The following BMP7 variants were observed in gnomAD, a reference collection of about 807,000 sequenced individuals.
BMP7 encodes the protein bone morphogenetic protein 7.
In BMP7, 12 loss-of-function variants were observed where a neutral mutation model predicts 41.2. The ratio of observed to expected loss-of-function variants is 0.29; its 90% confidence interval spans 0.19 to 0.47. BMP7 has a LOEUF of 0.47. Ranked by LOEUF, BMP7 falls within the 20% of genes least tolerant of loss-of-function variation. The pLI is 0.99. For synonymous variants in BMP7, 248 were observed against 250.0 expected (o/e 0.99, Z 0.07); for missense variants, 467 against 606.0 (o/e 0.77, Z 2.41).
At chr20:57,194,439 C>T (rs921595559) in intron 3 of BMP7, among the ~76,000 whole-genome samples, 36 of 152,222 alleles carry the variant, frequency 2.4e-4, no homozygotes, top group Middle Eastern at 3.4e-3. Context: ...CAAAAACGAA[C>T]GCCTGACGCT....
chr20:57,254,606 C>A lies in BMP7; in HGVS notation c.418+11099G>T, dbSNP rs1423652137. On this transcript the variant is annotated intron_variant, in intron 1 of 6. Transcript: ENST00000395863. ...ATCCTAAACATCCTTCTGCTACTTG[C>A]TTTCTCCTTCTGACATTGTTTCCAG... Among the ~76,000 whole-genome samples the A allele has an allele frequency of 2.0e-5, 3 of 151,554 alleles. No individual in the cohort carries two copies. In the South Asian group the frequency reaches 6.3e-4, roughly 32 times the overall value.
chr20:57,182,188 T>C (rs1342085984), intron 4 of BMP7, among the ~76,000 whole-genome samples: 1 of 152,194 alleles, frequency 6.6e-6, no homozygotes, highest in Non-Finnish European at 1.5e-5. Context: ...GGAGTCCCGA[T>C]GCATCTTCTG....
At chr20:57,252,003 T>C (rs1370759191) in intron 1 of BMP7, among the ~76,000 whole-genome samples, 2 of 152,118 alleles carry the variant, frequency 1.3e-5, no homozygotes, top group African/African-American at 4.8e-5. Context: ...GTAGGGGACA[T>C]AGCGTGTGGA....
chr20:57,176,583 C>T (rs1983926871), intron 4 of BMP7, among the ~76,000 whole-genome samples: 1 of 152,144 alleles, frequency 6.6e-6, no homozygotes, highest in Admixed American at 6.5e-5. Context: ...TGCTCTAGCT[C>T]TGGAGTCAAA....
intron 2 of BMP7, among the ~76,000 whole-genome samples, chr20:57,203,766 GAAC>G (rs1254012909): frequency 1.3e-5 from 2 of 152,200 alleles, no homozygotes; most frequent in African/African-American, 4.8e-5. Flanking sequence ...GCATAATGAT[GAAC>G]AACATGACAC....
At chr20:57,256,940 T>G (rs1401969320) in intron 1 of BMP7, among the ~76,000 whole-genome samples, 1 of 152,096 alleles carries the variant, frequency 6.6e-6, no homozygotes, top group Non-Finnish European at 1.5e-5. Flanking sequence ...TTAGGATCAT[T>G]TGTACTTCAT....
In BMP7 at chr20:57,173,318, G is replaced by C; in HGVS notation, c.1036-8C>G. The C allele has an allele frequency of 6.2e-7, 1 of 1,612,704 alleles. No homozygotes were observed. Among genetic ancestry groups the C allele is most frequent in the Non-Finnish European group, 8.5e-7 (1 of 1,178,784 alleles). On this transcript the variant is annotated splice_region_variant and splice_polypyrimidine_tract_variant and intron_variant, in intron 5 of 6. Coordinates refer to ENST00000395863, the MANE Select transcript of BMP7 (RefSeq NM_001719.3). ...AGGCGCGATGATCCAGTCCTGAGGA[G>C]GAGAAGAGAGTGTGGGAAACCATGC... is the stretch of plus-strand genomic sequence containing the variant.
intron 2 of BMP7, among the ~76,000 whole-genome samples, chr20:57,203,391 G>A (rs558282292): frequency 6.6e-6 from 1 of 152,264 alleles, no homozygotes; most frequent in African/African-American, 2.4e-5. Context: ...GTAGGTGAGT[G>A]AATGGATGGG....
Position 57,170,570 on chromosome 20 carries a change from T to G in BMP7, c.*389A>C. 3.1e-6 allele frequency: 1 copy of G among 319,228 alleles called. No individual in the cohort carries two copies. The highest frequency in any genetic ancestry group is 6.1e-6 in the Non-Finnish European group (1 of 163,966). The allele number at this position is 319,228 out of a possible 1,614,324, so 19.8% of individuals were successfully genotyped here. ...AATTTTCCTTTCGCACAGACACCAA[T>G]GTGCCCACCCCTTGCCACGCCCCCT... On this transcript the variant is annotated 3_prime_UTR_variant, in exon 7 of 7. Coordinates refer to ENST00000395863, the MANE Select transcript of BMP7 (RefSeq NM_001719.3).
At chr20:57,252,577 A>C (rs772256371) in intron 1 of BMP7, among the ~76,000 whole-genome samples, 15 of 152,236 alleles carry the variant, frequency 9.9e-5, no homozygotes, top group Non-Finnish European at 1.8e-4. Context: ...AGGTGCAGTC[A>C]AGTATTTTGG....
chr20:57,261,673 G>A lies in BMP7; in HGVS notation c.418+4032C>T, dbSNP rs2066154870. ...CTGTGTGACATCTATATTAACCTTTGGCTGCTCACCAGTGAGGGCCGGCGC... is the reference window on the plus strand; with the variant it reads ...CTGTGTGACATCTATATTAACCTTTAGCTGCTCACCAGTGAGGGCCGGCGC... On this transcript the variant is annotated intron_variant, in intron 1 of 6. Transcript: ENST00000395863. This position sits in a 1 kb window ranked among gnomAD's most constrained non-coding sequence, Gnocchi z 4.1. Among the ~76,000 whole-genome samples, 1 of 152,176 alleles carries A rather than the reference G, an allele frequency of 6.6e-6. No individual in the cohort carries two copies. The highest frequency in any genetic ancestry group is 1.5e-5 in the Non-Finnish European group (1 of 68,034).
chr20:57,220,983 T>C (rs1394837497), intron 2 of BMP7, among the ~76,000 whole-genome samples: 1 of 152,174 alleles, frequency 6.6e-6, no homozygotes, highest in Non-Finnish European at 1.5e-5. Flanking sequence ...ATGTGGTCTG[T>C]GAATTCAGAG....
At chr20:57,203,675 A>G (rs1984672955) in intron 2 of BMP7, among the ~76,000 whole-genome samples, 1 of 152,234 alleles carries the variant, frequency 6.6e-6, no homozygotes, top group Non-Finnish European at 1.5e-5. Flanking sequence ...CACTTTTAAT[A>G]AGAATTCAAA....
chr20:57,171,976 T>C lies in BMP7; in HGVS notation c.1147-868A>G, dbSNP rs1354729184. Among the ~76,000 whole-genome samples, 1 of 152,236 alleles carries C rather than the reference T, an allele frequency of 6.6e-6. No homozygotes were observed. The highest frequency in any genetic ancestry group is 6.5e-5 in the Admixed American group (1 of 15,282). ...TTCATCAGGACTCTCTAGAAGACAGTTGCCCCCTTTTAAACATGACCACAA... is the reference window on the plus strand; with the variant it reads ...TTCATCAGGACTCTCTAGAAGACAGCTGCCCCCTTTTAAACATGACCACAA... On this transcript the variant is annotated intron_variant, in intron 6 of 6. Coordinates refer to ENST00000395863, the MANE Select transcript of BMP7 (RefSeq NM_001719.3). This position sits in a 1 kb window ranked among gnomAD's most constrained non-coding sequence, Gnocchi z 4.5.
intron 1 of BMP7, among the ~76,000 whole-genome samples, chr20:57,253,432 C>T (rs1391776517): frequency 1.3e-5 from 2 of 152,168 alleles, no homozygotes; most frequent in African/African-American, 4.8e-5. Flanking sequence ...CTTTCTTGAC[C>T]ATAAACTAAC....
At chr20:57,216,744 C>T (rs1200372243) in intron 2 of BMP7, among the ~76,000 whole-genome samples, 5 of 152,136 alleles carry the variant, frequency 3.3e-5, no homozygotes, top group Admixed American at 2.0e-4. Context: ...GGGGAAGCCT[C>T]GAGGTCTGCG....
intron 1 of BMP7, among the ~76,000 whole-genome samples, chr20:57,233,618 G>C (rs546879478): frequency 6.6e-6 from 1 of 152,130 alleles, no homozygotes; most frequent in Non-Finnish European, 1.5e-5. Flanking sequence ...ACCTGCCCCC[G>C]GCATCACTCA....
intron 3 of BMP7, among the ~76,000 whole-genome samples, chr20:57,186,254 G>A (rs1442783141): frequency 1.3e-5 from 2 of 152,184 alleles, no homozygotes; most frequent in Non-Finnish European, 2.9e-5. Flanking sequence ...AGGAGTACCC[G>A]GTAAGGAAGG....
chr20:57,198,345 A>C (rs1984550569), intron 3 of BMP7, among the ~76,000 whole-genome samples: 1 of 151,880 alleles, frequency 6.6e-6, no homozygotes. Flanking sequence ...CAGCCAGTCC[A>C]TGGGTGGGAA....
Sources: allele counts gnomAD v4.1 joint callset (sites outside exome capture counted in the v4.1 genomes callset), GRCh38; gene constraint gnomAD v4.1.1; non-coding constraint Gnocchi (gnomAD v3.1); transcripts MANE v1.5; gene names NCBI Gene and HGNC (gene_info 2026-07-23, HGNC 2026-07-21).